Variants in SLC9A6 observed in about 807,000 individuals in gnomAD.
The protein encoded by SLC9A6 is solute carrier family 9 member A6.
SLC9A6 carries 6 observed loss-of-function variants against 45.3 expected under a neutral mutation model. That is an observed-to-expected ratio of 0.13 (90% CI 0.07 to 0.26). The LOEUF is 0.26. Among genes scored for constraint, SLC9A6 ranks in the 10% least tolerant of loss-of-function variants. The probability of loss-of-function intolerance (pLI) is 1.00; values close to 1 mark genes in which losing one functional copy is unlikely to be tolerated. For missense variants in SLC9A6, 278 were observed against 503.7 expected (o/e 0.55, Z 4.29); for synonymous variants, 191 against 187.7 (o/e 1.02, Z -0.14).
chrX:135,992,525 A>G (rs1471848142), intron 2 of SLC9A6, among the ~76,000 whole-genome samples: 1 of 111,996 alleles, frequency 8.9e-6, no homozygotes, highest in African/African-American at 3.2e-5. Context: ...CAATCTTTCA[A>G]ACCTCAACTC....
intron 5 of SLC9A6, 101 bp downstream of exon 5, chrX:135,998,659 A>AAAG: frequency 1.4e-6 from 1 of 717,457 alleles, no homozygotes; most frequent in Non-Finnish European, 2.1e-6. Flanking sequence ...GACTGGGTCT[A>AAAG]AAGACTTTTG....
At position 136,044,811 on chromosome X, in the gene SLC9A6, C is replaced by G; in HGVS notation, c.*87C>G. 1 of 826,273 alleles carries G rather than the reference C, an allele frequency of 1.2e-6. No individual in the cohort carries two copies. The allele number at this position is 826,273 out of a possible 1,213,427, so 68.1% of individuals were successfully genotyped here. ...ACTACCTAAAAGTCCCAGTGCATGT[C>G]TCTGAATGTGTAAGCTATATAAATG... On this transcript the variant is annotated 3_prime_UTR_variant, in exon 18 of 18. Coordinates refer to ENST00000630721, the MANE Select transcript of SLC9A6 (RefSeq NM_001379110.1).
At chrX:136,024,623 A>G (rs996665510) in intron 13 of SLC9A6, 140 bp downstream of exon 13, 2 of 544,542 alleles carry the variant, frequency 3.7e-6, no homozygotes, top group African/African-American at 2.4e-5. Context: ...TATAGTACAG[A>G]AAAAGGAAAA....
At chrX:135,989,456 C>T (rs1275412335) in intron 2 of SLC9A6, among the ~76,000 whole-genome samples, 6 of 111,749 alleles carry the variant, frequency 5.4e-5, no homozygotes, top group Non-Finnish European at 9.4e-5. Flanking sequence ...ATCTGGAGTC[C>T]GAGGTTTAAC....
intron 7 of SLC9A6, among the ~76,000 whole-genome samples, chrX:136,004,277 C>T (rs2089624570): frequency 9.2e-6 from 1 of 108,344 alleles, no homozygotes; most frequent in Non-Finnish European, 1.9e-5. Context: ...TTAGTAAAGA[C>T]GGGGTTTCAC....
chrX:135,997,869 A>G (rs1413150434), intron 3 of SLC9A6, among the ~76,000 whole-genome samples: 2 of 111,910 alleles, frequency 1.8e-5, no homozygotes, highest in African/African-American at 6.5e-5. Context: ...TTTTAATGAC[A>G]TAGTATTTTA....
At chrX:136,010,742 A>C (rs1569524797) in intron 8 of SLC9A6, among the ~76,000 whole-genome samples, 159 bp downstream of exon 8, 1 of 112,640 alleles carries the variant, frequency 8.9e-6, no homozygotes, top group Non-Finnish European at 1.9e-5. Flanking sequence ...AGTCTTTGCC[A>C]ATAAATAAAT....
chrX:136,016,074 GC>G (rs1327253407), intron 10 of SLC9A6, among the ~76,000 whole-genome samples: 1 of 111,164 alleles, frequency 9.0e-6, no homozygotes, highest in Admixed American at 9.6e-5. Context: ...CAATGTGGAA[GC>G]CCCTATCTGT....
Position 135,985,830 on chromosome X carries a change from A to T in SLC9A6, c.169+3A>T. 1 of 1,210,482 alleles carries T rather than the reference A, an allele frequency of 8.3e-7. No individual in the cohort carries two copies. The highest frequency in any genetic ancestry group is 1.1e-6 in the Non-Finnish European group (1 of 895,330). On this transcript the variant is annotated splice_donor_region_variant and intron_variant, in intron 2 of 17. Transcript: ENST00000630721. Reference sequence around the variant, plus strand: ...AACCGGCCTGGCTATGATTTATGGCAAGTTCCTCAACCCTTGTCAGCCCCT... The same window carrying T: ...AACCGGCCTGGCTATGATTTATGGCTAGTTCCTCAACCCTTGTCAGCCCCT...
chrX:136,005,620 G>C (rs1165158797), intron 7 of SLC9A6, among the ~76,000 whole-genome samples: 1 of 108,789 alleles, frequency 9.2e-6, no homozygotes, highest in Non-Finnish European at 1.9e-5. Flanking sequence ...GGCGGAAGTT[G>C]CGGTGACCTG....
At chrX:136,016,186 A>G (rs782764825) in intron 10 of SLC9A6, among the ~76,000 whole-genome samples, 2 of 111,564 alleles carry the variant, frequency 1.8e-5, no homozygotes, top group African/African-American at 6.5e-5. Flanking sequence ...CTATGCTAGG[A>G]TCAGAAAGTT....
At chrX:135,997,659 G>T (rs1603197577) in intron 3 of SLC9A6, among the ~76,000 whole-genome samples, 1 of 104,957 alleles carries the variant, frequency 9.5e-6, no homozygotes, top group Non-Finnish European at 1.9e-5. Flanking sequence ...CCGCCCATCC[G>T]CCCACCTCCG....
In SLC9A6 at chrX:136,044,886, G is replaced by C. The variant is rs782618978; in HGVS notation, c.*162G>C. 1 of 481,345 alleles carries C rather than the reference G, an allele frequency of 2.1e-6. No homozygotes were observed. The highest frequency in any genetic ancestry group is 3.6e-5 in the Admixed American group (1 of 28,101). 39.7% of individuals were successfully genotyped at this position (481,345 alleles called of 1,213,427 possible). On this transcript the variant is annotated 3_prime_UTR_variant, in exon 18 of 18. Transcript: ENST00000630721. Reference sequence around the variant, plus strand: ...ATAAATATCCTGTACACGGCAGATTGTGAACAAACTATATTCCTTTAAGTT... The same window carrying C: ...ATAAATATCCTGTACACGGCAGATTCTGAACAAACTATATTCCTTTAAGTT...
intron 6 of SLC9A6, 143 bp from the exon 7 acceptor site, chrX:136,001,965 T>C (rs2089590618): frequency 2.3e-6 from 1 of 443,633 alleles, no homozygotes; most frequent in South Asian, 3.5e-5. Flanking sequence ...AATTACGGGG[T>C]CTTTAATATG....
chrX:135,995,159 A>G (rs2089480810), intron 3 of SLC9A6, among the ~76,000 whole-genome samples, 174 bp downstream of exon 3: 1 of 112,007 alleles, frequency 8.9e-6, no homozygotes, highest in Non-Finnish European at 1.9e-5. Flanking sequence ...ATGTCTGTAC[A>G]ACTCATTTTC....
intron 14 of SLC9A6, 98 bp downstream of exon 14, chrX:136,029,073 C>T: frequency 7.3e-6 from 2 of 274,032 alleles, no homozygotes; most frequent in Non-Finnish European, 1.3e-5. Context: ...TTGAAGGGGT[C>T]GTAGAATGGT....
In SLC9A6 at chrX:135,977,972, G is replaced by A. The variant is rs370030175; in HGVS notation, c.-57+3189G>A. 9.8e-5 allele frequency among the ~76,000 whole-genome samples: 11 copies of A among 112,287 alleles called. No homozygotes were observed. In the South Asian group the frequency reaches 4.0e-3, roughly 41 times the overall value. On this transcript the variant is annotated intron_variant, in intron 1 of 16. Transcript: ENST00000636092. ...CCTTTTCTACCTCTGAGAGATTGGA[G>A]AAGTTACTTAACTTCACTGCGCCTC...
intron 2 of SLC9A6, among the ~76,000 whole-genome samples, chrX:135,990,364 A>G (rs2089411212): frequency 9.0e-6 from 1 of 111,684 alleles, no homozygotes; most frequent in Admixed American, 9.5e-5. Flanking sequence ...CCCTCTATGT[A>G]GGAGGCTAGA....
rs560992753 is a variant in SLC9A6 at position 136,040,482 on chromosome X, C to G, written c.1767+301C>G. Among the ~76,000 whole-genome samples the G allele has an allele frequency of 2.0e-4, 22 of 111,946 alleles. 1 individual carries two copies. The South Asian group carries it at 7.7e-3, about 39-fold the overall frequency. Reference sequence around the variant, plus strand: ...CTTTCATTTCTTTGCAGTATGTGTCCTGAGCTCAGCACTAAATGTGTATGC... The same window carrying G: ...CTTTCATTTCTTTGCAGTATGTGTCGTGAGCTCAGCACTAAATGTGTATGC... On this transcript the variant is annotated intron_variant, in intron 17 of 17. Transcript: ENST00000630721.
Sources: gnomAD v4.1 joint callset for allele counts (sites outside exome capture counted in the v4.1 genomes callset) on GRCh38, gnomAD v4.1.1 for gene constraint, MANE v1.5 for transcripts, NCBI Gene and HGNC (gene_info 2026-07-23, HGNC 2026-07-21) for gene names.